Variants in HPSE2 observed in about 807,000 individuals in gnomAD.
The protein encoded by HPSE2 is inactive heparanase-2.
HPSE2 carries 38 observed loss-of-function variants against 60.5 expected under a neutral mutation model. The observed-to-expected ratio is 0.63, with a 90% CI of 0.48 to 0.82. The LOEUF (loss-of-function observed/expected upper bound fraction) is 0.82, where lower values mean the gene tolerates loss of function less well. Among genes scored for constraint, HPSE2 ranks in the 40% least tolerant of loss-of-function variants. HPSE2 has a pLI of 0.00. For synonymous variants in HPSE2, 295 were observed against 293.2 expected (o/e 1.01, Z -0.06); for missense variants, 713 against 740.4 (o/e 0.96, Z 0.43).
chr10:99,205,655 TACACAA>T (rs1413966698), intron 2 of HPSE2, among the ~76,000 whole-genome samples: 3 of 152,134 alleles, frequency 2.0e-5, no homozygotes, highest in Non-Finnish European at 4.4e-5. Context: ...TATCAAAACC[TACACAA>T]ACACAAACTG....
At chr10:98,612,624 G>T (rs1422631729) in intron 9 of HPSE2, among the ~76,000 whole-genome samples, 1 of 152,130 alleles carries the variant, frequency 6.6e-6, no homozygotes, top group Non-Finnish European at 1.5e-5. Flanking sequence ...AATGAGTGAT[G>T]AAAGGAATAA....
chr10:99,305,961 A>ATACGTG, the HPSE2 span, among the ~76,000 whole-genome samples: 1 of 103,056 alleles, frequency 9.7e-6, no homozygotes, highest in Non-Finnish European at 1.9e-5. Flanking sequence ...ACTCACACAC[A>ATACGTG]CGCGCGCGCG....
At chr10:98,850,909 CTTACT>C (rs1316348300) in intron 3 of HPSE2, among the ~76,000 whole-genome samples, 1 of 152,114 alleles carries the variant, frequency 6.6e-6, no homozygotes, top group Non-Finnish European at 1.5e-5. Flanking sequence ...CTGTTTCTCC[CTTACT>C]TTGTCTTCTA....
chr10:98,944,250 G>A (rs1264061196), intron 3 of HPSE2, among the ~76,000 whole-genome samples: 2 of 152,170 alleles, frequency 1.3e-5, no homozygotes, highest in Non-Finnish European at 2.9e-5. Flanking sequence ...TAAAGCAGCA[G>A]AGGCAGAGAG....
At chr10:98,750,564 A>G (rs1380497606) in intron 3 of HPSE2, among the ~76,000 whole-genome samples, 2 of 152,184 alleles carry the variant, frequency 1.3e-5, no homozygotes, top group Admixed American at 1.3e-4. Flanking sequence ...CCAGGGTGGT[A>G]GCAGCAGAGC....
intron 9 of HPSE2, among the ~76,000 whole-genome samples, chr10:98,591,588 G>C (rs1259919430): frequency 6.6e-6 from 1 of 152,050 alleles, no homozygotes; most frequent in African/African-American, 2.4e-5. Flanking sequence ...CTTGAACCTG[G>C]GAGGCAGAGG....
intron 3 of HPSE2, among the ~76,000 whole-genome samples, chr10:98,890,407 T>C (rs1392705853): frequency 6.6e-6 from 1 of 152,030 alleles, no homozygotes; most frequent in Non-Finnish European, 1.5e-5. Flanking sequence ...GTCGACAATA[T>C]TGTGGGAAAA....
chr10:99,131,439 G>A (rs993074646), intron 3 of HPSE2, among the ~76,000 whole-genome samples: 3 of 151,772 alleles, frequency 2.0e-5, no homozygotes, highest in Non-Finnish European at 4.4e-5. Context: ...TAGACTAAAC[G>A]CTCAACAACC....
chr10:98,692,570 C>G (rs1948103236), intron 6 of HPSE2, among the ~76,000 whole-genome samples: 1 of 152,092 alleles, frequency 6.6e-6, no homozygotes, highest in Admixed American at 6.6e-5. Flanking sequence ...AGATCAAGAC[C>G]ATCCTGGCTA....
intron 3 of HPSE2, among the ~76,000 whole-genome samples, chr10:99,108,556 G>A (rs1209028023): frequency 6.6e-6 from 1 of 151,968 alleles, no homozygotes; most frequent in Non-Finnish European, 1.5e-5. Flanking sequence ...TGTGATAGAG[G>A]GATATTGTTT....
chr10:98,611,520 A>G (rs75743498), intron 9 of HPSE2, among the ~76,000 whole-genome samples: 5,618 of 152,320 alleles, frequency 0.037, 365 homozygotes, highest in African/African-American at 0.13. Context: ...TCTCTTGAAG[A>G]TTTAATCACA....
chr10:98,995,205 C>T (rs1956616746), intron 3 of HPSE2, among the ~76,000 whole-genome samples: 1 of 152,196 alleles, frequency 6.6e-6, no homozygotes, highest in African/African-American at 2.4e-5. Flanking sequence ...TCTGGCTCCT[C>T]TACATGGAGA....
Position 98,743,860 on chromosome 10 carries a change from G to A in HPSE2, c.784+23C>T, listed in dbSNP as rs193225827. The A allele has an allele frequency of 1.0e-5, 16 of 1,600,870 alleles. No individual in the cohort carries two copies. In the Admixed American group the frequency reaches 1.2e-4, roughly 12 times the overall value. On this transcript the variant is annotated intron_variant, in intron 4 of 11. Transcript: ENST00000370552. ...TTTTCCCCTTTATTTTGTCAATTCA[G>A]AGGAAGTAACATCCTTACTTACCAT...
rs569546496 is a variant in HPSE2, at chr10:98,723,681, G to T, written c.785-1853C>A. 3.3e-5 allele frequency among the ~76,000 whole-genome samples: 5 copies of T among 152,214 alleles called. No homozygotes were observed. In the South Asian group the frequency reaches 1.0e-3, roughly 32 times the overall value. ...TGTTCAGAGATTCAACTTCTTCCTG[G>T]TTTAGTCTTGGCAGAGTGTATGTGT... is the stretch of plus-strand genomic sequence containing the variant. On this transcript the variant is annotated intron_variant, in intron 4 of 11. Transcript: ENST00000370552.
intron 3 of HPSE2, among the ~76,000 whole-genome samples, chr10:99,073,664 AT>A (rs1045491068): frequency 6.6e-6 from 1 of 152,142 alleles, no homozygotes; most frequent in African/African-American, 2.4e-5. Flanking sequence ...TAATAATAAT[AT>A]TCAGTCTTCC....
At chr10:98,501,909 A>C (rs1407785741) in intron 9 of HPSE2, among the ~76,000 whole-genome samples, 1 of 152,200 alleles carries the variant, frequency 6.6e-6, no homozygotes, top group Non-Finnish European at 1.5e-5. Flanking sequence ...AACAGCAACC[A>C]AGTGGAGAAT....
At chr10:99,314,849 C>A in the HPSE2 span, among the ~76,000 whole-genome samples, 2 of 152,154 alleles carry the variant, frequency 1.3e-5, no homozygotes, top group African/African-American at 4.8e-5. Flanking sequence ...GAGTTACATA[C>A]CAAACATCCC....
At chr10:98,641,723 T>G (rs896616847) in intron 7 of HPSE2, 124 bp downstream of exon 7, 1 of 782,482 alleles carries the variant, frequency 1.3e-6, no homozygotes, top group Non-Finnish European at 2.3e-6. Context: ...CCATCTAGAC[T>G]GCACTATTTT....
intron 3 of HPSE2, among the ~76,000 whole-genome samples, chr10:98,795,442 C>T (rs775179788): frequency 6.6e-6 from 1 of 152,196 alleles, no homozygotes; most frequent in Non-Finnish European, 1.5e-5. Flanking sequence ...AGCTGTGCTG[C>T]ACTCAGCCAG....
Sources: allele counts gnomAD v4.1 joint callset (sites outside exome capture counted in the v4.1 genomes callset), GRCh38; gene constraint gnomAD v4.1.1; transcripts MANE v1.5; gene names NCBI Gene and HGNC (gene_info 2026-07-23, HGNC 2026-07-21).